Variants in PREX1 observed in about 807,000 individuals in gnomAD.
The protein encoded by PREX1 is phosphatidylinositol-3,4,5-trisphosphate dependent Rac exchange factor 1, also known as phosphatidylinositol 3,4,5-trisphosphate-dependent Rac exchanger 1 protein.
A neutral mutation model predicts 198.3 loss-of-function variants in PREX1; 41 were observed. The observed-to-expected ratio is 0.21, with a 90% CI of 0.16 to 0.27. PREX1 has a LOEUF of 0.27. Ranked by LOEUF, PREX1 falls within the 10% of genes least tolerant of loss-of-function variation. PREX1 has a pLI of 1.00. For synonymous variants in PREX1, 843 were observed against 887.2 expected, an observed-to-expected ratio of 0.95 and a Z score of 0.89; for missense variants, 1,620 against 2,200.7, an observed-to-expected ratio of 0.74 and a Z score of 5.28.
chr20:48,700,725 A>G (rs2123067732), intron 7 of PREX1, 28 bp downstream of exon 7: 1 of 1,611,522 alleles, frequency 6.2e-7, no homozygotes, highest in Middle Eastern at 2.2e-4. Flanking sequence ...AGCAGGCCAG[A>G]CCCCATCCCA....
chr20:48,761,371 T>C (rs1229270272), intron 1 of PREX1, among the ~76,000 whole-genome samples: 2 of 152,226 alleles, frequency 1.3e-5, no homozygotes, highest in Non-Finnish European at 2.9e-5. Flanking sequence ...TCTAGGTCAC[T>C]GTGGTGTCCC....
chr20:48,771,254 G>A (rs565496165), intron 1 of PREX1, among the ~76,000 whole-genome samples: 3 of 151,116 alleles, frequency 2.0e-5, no homozygotes, highest in African/African-American at 4.9e-5. Context: ...TTCCCTATCC[G>A]ACCTTTAGGT....
intron 5 of PREX1, among the ~76,000 whole-genome samples, chr20:48,724,536 C>T (rs1264431694): frequency 6.6e-6 from 1 of 152,176 alleles, no homozygotes; most frequent in Admixed American, 6.5e-5. Context: ...TGTAAAGGGC[C>T]AGATGGTAAA....
At chr20:48,678,309 C>CA (rs59216848) in intron 13 of PREX1, among the ~76,000 whole-genome samples, 23,956 of 141,774 alleles carry the variant, frequency 0.17, 4,009 homozygotes, top group African/African-American at 0.44. Flanking sequence ...GGCTCTGTCT[C>CA]AAAAAAAAAA....
rs543225139 is a variant in PREX1, at chr20:48,794,751, C to T, written c.219+32891G>A. ...AGAGGGGCCCCGGCTGCCTACAGTC[C>T]TCGGGGACTGGGCCTTGGATGTTGG... On this transcript the variant is annotated intron_variant, in intron 1 of 39. Transcript: ENST00000371941. 2.0e-5 allele frequency among the ~76,000 whole-genome samples: 3 copies of T among 152,338 alleles called. No homozygotes were observed. The East Asian group carries it at 5.8e-4, about 29-fold the overall frequency.
chr20:48,832,589 A>G (rs2090539525), upstream of PREX1, among the ~76,000 whole-genome samples: 1 of 152,168 alleles, frequency 6.6e-6, no homozygotes. Context: ...GTCTGAGAAG[A>G]AGAGGGAGGC....
intron 17 of PREX1, among the ~76,000 whole-genome samples, chr20:48,657,653 A>T (rs951624335): frequency 6.6e-6 from 1 of 152,146 alleles, no homozygotes; most frequent in Admixed American, 6.5e-5. Context: ...TAATTGCCAC[A>T]GGGGCAAGCT....
At chr20:48,702,580 GCTTTCCTCC>G (rs1427732698) in intron 6 of PREX1, among the ~76,000 whole-genome samples, 2 of 152,226 alleles carry the variant, frequency 1.3e-5, no homozygotes, top group African/African-American at 4.8e-5. Flanking sequence ...AAAGAAAATG[GCTTTCCTCC>G]CTTTCCTCTT....
chr20:48,737,470 G>A (rs1014409316), intron 3 of PREX1, among the ~76,000 whole-genome samples: 1 of 152,066 alleles, frequency 6.6e-6, no homozygotes, highest in Non-Finnish European at 1.5e-5. Context: ...TGGGGTCAGC[G>A]GCCACTGGCA....
At chr20:48,712,818 G>A (rs556693464) in intron 5 of PREX1, among the ~76,000 whole-genome samples, 35 of 152,260 alleles carry the variant, frequency 2.3e-4, no homozygotes, top group Admixed American at 1.2e-3. Flanking sequence ...TTCCTCTCCC[G>A]GCACACTCCT....
At chr20:48,656,433 C>T (rs1393572801) in intron 18 of PREX1, 2 of 456,526 alleles carry the variant, frequency 4.4e-6, no homozygotes, top group Non-Finnish European at 4.4e-6. Context: ...GGGCTGGACC[C>T]CGTTACCCTA....
chr20:48,652,621 C>T lies in PREX1; in HGVS notation c.2432G>A (p.Gly811Asp). 2 of 1,613,510 alleles carry T rather than the reference C, an allele frequency of 1.2e-6. No individual in the cohort carries two copies. Among genetic ancestry groups the T allele is most frequent in the Non-Finnish European group, 1.7e-6 (2 of 1,179,664 alleles). The part of the protein sequence containing the change: ...SQEASTEDPS[G>D]EQAQEEDQAD... Reference sequence around the variant, plus strand: ...CTGGTCTTCCTCCTGGGCCTGCTCGCCACTGGGGTCCTCAGTGGAGGCCTC... The same window carrying T: ...CTGGTCTTCCTCCTGGGCCTGCTCGTCACTGGGGTCCTCAGTGGAGGCCTC... The change falls in exon 21 of 40, where the codon GGC becomes GAC. Residue 811 changes from glycine (G) to aspartate (D), a missense_variant. Gly to Asp is a moderately conservative substitution (Grantham distance 94). This residue lies in a region of PREX1 where 514 missense variants were observed against 611.6 expected (regional missense o/e 0.84). Transcript: ENST00000371941.
chr20:48,740,370 A>G (rs2090075564), intron 3 of PREX1, among the ~76,000 whole-genome samples: 1 of 152,200 alleles, frequency 6.6e-6, no homozygotes, highest in Non-Finnish European at 1.5e-5. Flanking sequence ...GCCCTCTCCT[A>G]GAGCTGCCTT....
chr20:48,826,238 C>T lies in PREX1; in HGVS notation c.219+1404G>A, dbSNP rs533302616. Among the ~76,000 whole-genome samples, 3 of 152,170 alleles carry T rather than the reference C, an allele frequency of 2.0e-5. No homozygotes were observed. In the East Asian group the frequency reaches 5.8e-4, roughly 29 times the overall value. On this transcript the variant is annotated intron_variant, in intron 1 of 39. Coordinates refer to ENST00000371941, the MANE Select transcript of PREX1 (RefSeq NM_020820.4). ...TTCCTGAACCAGGATTAAAAGACTT[C>T]CTAGAGCAGAGAAGGGGAGTAAATG...
chr20:48,842,889 A>G, the PREX1 span, among the ~76,000 whole-genome samples: 1 of 152,146 alleles, frequency 6.6e-6, no homozygotes, highest in Non-Finnish European at 1.5e-5. Context: ...CTGAGCCACT[A>G]ATCATAATAT....
rs1396981800 is a variant in PREX1 at position 48,639,828 on chromosome 20, T to C, written c.3842A>G (p.Asp1281Gly). ...RSLIQISIQEDPWNLPNSIKT... is the reference protein window; with the variant it reads ...RSLIQISIQEGPWNLPNSIKT... ...GATGGAGTTGGGGAGGTTCCAGGGGTCCTCCTGGATGCTAATCTGGATCAG... is the reference window on the plus strand; with the variant it reads ...GATGGAGTTGGGGAGGTTCCAGGGGCCCTCCTGGATGCTAATCTGGATCAG... The change falls in exon 30 of 40, where the codon GAC (aspartate) becomes GGC (glycine). Residue 1281 changes from aspartate to glycine, a missense_variant. Coordinates refer to ENST00000371941, the MANE Select transcript of PREX1 (RefSeq NM_020820.4). The C allele has an allele frequency of 4.3e-6, 7 of 1,613,752 alleles. No homozygotes were observed. Among genetic ancestry groups the C allele is most frequent in the Non-Finnish European group, 5.9e-6 (7 of 1,179,832 alleles).
At chr20:48,780,502 GA>G (rs1372904381) in intron 1 of PREX1, among the ~76,000 whole-genome samples, 3 of 151,570 alleles carry the variant, frequency 2.0e-5, no homozygotes, top group Non-Finnish European at 4.4e-5. Context: ...AGAGAAAGAA[GA>G]AAAAAAATAG....
chr20:48,752,119 A>G (rs1235614150), intron 1 of PREX1, among the ~76,000 whole-genome samples: 1 of 152,160 alleles, frequency 6.6e-6, no homozygotes, highest in Non-Finnish European at 1.5e-5. Flanking sequence ...CAGTTTACCC[A>G]CAGTACCATG....
At chr20:48,654,229 T>A (rs2089524453) in intron 19 of PREX1, among the ~76,000 whole-genome samples, 1 of 152,196 alleles carries the variant, frequency 6.6e-6, no homozygotes, top group African/African-American at 2.4e-5. Flanking sequence ...CGCGGGGAGA[T>A]CCGACGAGCT....
Sources: gnomAD v4.1 joint callset for allele counts (sites outside exome capture counted in the v4.1 genomes callset) on GRCh38, gnomAD v4.1.1 for gene constraint, gnomAD v4.1.1 regional missense constraint, MANE v1.5 for transcripts, NCBI Gene and HGNC (gene_info 2026-07-23, HGNC 2026-07-21) for gene names.